CPQ: variants seen among roughly 807,000 people sequenced by gnomAD.
CPQ encodes the protein carboxypeptidase Q.
CPQ carries 37 observed loss-of-function variants against 45.7 expected under a neutral mutation model. The ratio of observed to expected loss-of-function variants is 0.81; its 90% CI spans 0.62 to 1.07. The LOEUF (loss-of-function observed/expected upper bound fraction) is 1.07, where lower values mean the gene tolerates loss of function less well. CPQ is among the 50% of genes least tolerant of loss of function. CPQ has a pLI of 0.00. For synonymous variants in CPQ, 186 were observed against 205.8 expected, an observed-to-expected ratio of 0.90 and a Z score of 0.82; for missense variants, 537 against 572.9, an observed-to-expected ratio of 0.94 and a Z score of 0.64.
At chr8:96,649,036 C>T (rs1175114974) in intron 1 of CPQ, among the ~76,000 whole-genome samples, 1 of 152,236 alleles carries the variant, frequency 6.6e-6, no homozygotes, top group Non-Finnish European at 1.5e-5. Flanking sequence ...GGCTGGAGTG[C>T]CGTGGCAAGA....
intron 1 of CPQ, among the ~76,000 whole-genome samples, chr8:96,678,604 C>T (rs1409386052): frequency 6.6e-6 from 1 of 152,006 alleles, no homozygotes; most frequent in Admixed American, 6.6e-5. Flanking sequence ...TTGAAAATAG[C>T]CATTCCAACT....
At chr8:96,983,715 T>C (rs1310968850) in intron 5 of CPQ, among the ~76,000 whole-genome samples, 2 of 152,126 alleles carry the variant, frequency 1.3e-5, no homozygotes, top group African/African-American at 4.8e-5. Flanking sequence ...GTTTGGGGTT[T>C]TATTGCTTTA....
chr8:97,043,553 C>T (rs1294093149), intron 6 of CPQ, among the ~76,000 whole-genome samples: 3 of 152,074 alleles, frequency 2.0e-5, no homozygotes, highest in African/African-American at 4.8e-5. Flanking sequence ...TTATTTTGAT[C>T]GTTAGTTGAT....
At chr8:96,898,866 G>T (rs751442953) in intron 4 of CPQ, among the ~76,000 whole-genome samples, 1 of 151,572 alleles carries the variant, frequency 6.6e-6, no homozygotes, top group South Asian at 2.1e-4. Flanking sequence ...AGTAAAAAGG[G>T]TGGTAGTCTA....
intron 2 of CPQ, among the ~76,000 whole-genome samples, chr8:96,822,451 C>T (rs1032755341): frequency 3.3e-5 from 5 of 151,770 alleles, no homozygotes; most frequent in African/African-American, 1.2e-4. Context: ...ATATGGTAGC[C>T]CTATTTTTAA....
chr8:97,009,406 G>T (rs780350206), intron 5 of CPQ, among the ~76,000 whole-genome samples: 1 of 152,136 alleles, frequency 6.6e-6, no homozygotes, highest in Non-Finnish European at 1.5e-5. Flanking sequence ...TAGAAGGTAG[G>T]TGTAAGGCCT....
intron 1 of CPQ, among the ~76,000 whole-genome samples, chr8:96,694,771 T>C (rs1225715470): frequency 2.0e-5 from 3 of 151,852 alleles, no homozygotes; most frequent in African/African-American, 7.3e-5. Context: ...GTGAAAGCAG[T>C]ACTAAGAGGA....
chr8:96,721,362 C>T (rs919193021), intron 1 of CPQ, among the ~76,000 whole-genome samples: 2 of 152,058 alleles, frequency 1.3e-5, no homozygotes, highest in South Asian at 2.1e-4. Flanking sequence ...TGCAGTCTTA[C>T]ACTGCCCCCT....
At chr8:96,763,832 T>C (rs1810435209) in intron 1 of CPQ, among the ~76,000 whole-genome samples, 1 of 151,984 alleles carries the variant, frequency 6.6e-6, no homozygotes. Context: ...AAAACCACAA[T>C]GAGACACCAA....
intron 5 of CPQ, among the ~76,000 whole-genome samples, chr8:96,988,237 T>C (rs955755700): frequency 2.6e-5 from 4 of 152,214 alleles, no homozygotes; most frequent in African/African-American, 9.6e-5. Context: ...AAAAATAACC[T>C]TTTATCTTTC....
intron 1 of CPQ, among the ~76,000 whole-genome samples, chr8:96,701,422 A>G (rs1809458426): frequency 6.6e-6 from 1 of 152,168 alleles, no homozygotes; most frequent in Non-Finnish European, 1.5e-5. Flanking sequence ...ATCAAATGTA[A>G]TTTGAAGTAG....
At chr8:96,731,917 A>G (rs1486663006) in intron 1 of CPQ, among the ~76,000 whole-genome samples, 3 of 152,206 alleles carry the variant, frequency 2.0e-5, no homozygotes, top group Admixed American at 6.5e-5. Flanking sequence ...TATTCCCCTT[A>G]TGAATATTTT....
intron 1 of CPQ, among the ~76,000 whole-genome samples, chr8:96,737,799 T>C (rs1453255669): frequency 1.3e-5 from 2 of 152,188 alleles, no homozygotes; most frequent in African/African-American, 4.8e-5. Flanking sequence ...ATTATAAGTA[T>C]TTAAGGCTAT....
chr8:96,871,583 G>A (rs1812068757), intron 3 of CPQ, among the ~76,000 whole-genome samples: 1 of 124,444 alleles, frequency 8.0e-6, no homozygotes, highest in Non-Finnish European at 1.6e-5. Context: ...ATGTTTTTAA[G>A]AATTTAAGTC....
intron 2 of CPQ, among the ~76,000 whole-genome samples, chr8:96,818,268 C>G (rs953805905): frequency 6.6e-6 from 1 of 151,966 alleles, no homozygotes; most frequent in Non-Finnish European, 1.5e-5. Context: ...CAAGTCAGAA[C>G]ACAAGCAACA....
intron 3 of CPQ, among the ~76,000 whole-genome samples, chr8:96,876,514 C>T (rs1744419539): frequency 6.6e-6 from 1 of 152,028 alleles, no homozygotes; most frequent in South Asian, 2.1e-4. Context: ...TTTCTGATCT[C>T]AGGGGAAAAG....
intron 1 of CPQ, among the ~76,000 whole-genome samples, chr8:96,696,695 A>C (rs1458767459): frequency 6.6e-6 from 1 of 152,112 alleles, no homozygotes; most frequent in Admixed American, 6.5e-5. Flanking sequence ...CATTACAACC[A>C]ATACCACAGA....
intron 7 of CPQ, among the ~76,000 whole-genome samples, chr8:97,067,821 A>C (rs571768933): frequency 2.1e-4 from 32 of 152,320 alleles, no homozygotes; most frequent in African/African-American, 7.2e-4. Flanking sequence ...TACTATCTAC[A>C]TATGTGTCAT....
At chr8:96,976,983 A>G (rs1813801094) in intron 5 of CPQ, among the ~76,000 whole-genome samples, 1 of 152,118 alleles carries the variant, frequency 6.6e-6, no homozygotes, top group Non-Finnish European at 1.5e-5. Flanking sequence ...TGCAACAAAA[A>G]CAAAGATAGA....
Sources: allele counts gnomAD v4.1 joint callset (sites outside exome capture counted in the v4.1 genomes callset), GRCh38; gene constraint gnomAD v4.1.1; transcripts MANE v1.5; gene names NCBI Gene and HGNC (gene_info 2026-07-23, HGNC 2026-07-21).